FHIT: variants seen among roughly 807,000 people sequenced by gnomAD.
FHIT encodes the protein bis(5'-adenosyl)-triphosphatase.
A neutral mutation model predicts 17.9 loss-of-function variants in FHIT; 19 were observed. That is an observed-to-expected ratio of 1.06 (90% CI 0.74 to 1.56). FHIT has a LOEUF of 1.56. FHIT is among the 40% of genes most tolerant of loss of function. The probability of loss-of-function intolerance (pLI) is 0.00; values close to 1 mark genes in which losing one functional copy is unlikely to be tolerated. For synonymous variants in FHIT, 81 were observed against 69.7 expected, an observed-to-expected ratio of 1.16 and a Z score of -0.81; for missense variants, 248 against 189.2, an observed-to-expected ratio of 1.31 and a Z score of -1.82.
intron 5 of FHIT, among the ~76,000 whole-genome samples, chr3:60,116,340 C>A (rs990995448): frequency 2.0e-5 from 3 of 152,134 alleles, no homozygotes; most frequent in African/African-American, 7.2e-5. Flanking sequence ...AAAGCTGGAG[C>A]CCCATCTCAT....
intron 4 of FHIT, among the ~76,000 whole-genome samples, chr3:60,674,467 A>G (rs1378246832): frequency 1.3e-5 from 2 of 152,104 alleles, no homozygotes; most frequent in Non-Finnish European, 1.5e-5. Context: ...TTTTTGTTGT[A>G]TGCTAAACAC....
At position 60,315,978 on chromosome 3, in the gene FHIT, T is replaced by C. The variant is rs368474895; in HGVS notation, c.103+220882A>G. On this transcript the variant is annotated intron_variant, in intron 5 of 9. Coordinates refer to ENST00000492590, the MANE Select transcript of FHIT (RefSeq NM_002012.4). The stretch of plus-strand genomic sequence containing the variant: ...ATGCTGCATTAAATTAAGCAATTTA[T>C]GATTTGTCCTTCCATATTGACCTTT... 3.3e-5 allele frequency among the ~76,000 whole-genome samples: 5 copies of C among 152,338 alleles called. No homozygotes were observed. The South Asian group carries it at 1.0e-3, about 32-fold the overall frequency.
chr3:61,183,634 A>G (rs1469352698), intron 2 of FHIT, among the ~76,000 whole-genome samples: 1 of 152,224 alleles, frequency 6.6e-6, no homozygotes, highest in African/African-American at 2.4e-5. Flanking sequence ...GAATTGTGAT[A>G]AAGATTAAAT....
At chr3:60,223,623 G>A (rs948925999) in intron 5 of FHIT, among the ~76,000 whole-genome samples, 1 of 152,140 alleles carries the variant, frequency 6.6e-6, no homozygotes, top group Non-Finnish European at 1.5e-5. Context: ...ATTTTTAAGT[G>A]TTGCTAGTTT....
intron 8 of FHIT, among the ~76,000 whole-genome samples, chr3:59,833,783 T>C (rs1701246465): frequency 6.6e-6 from 1 of 152,140 alleles, no homozygotes; most frequent in Non-Finnish European, 1.5e-5. Flanking sequence ...GGGAGAGACC[T>C]GGTGGGAGGT....
At chr3:60,215,650 A>C (rs1173057194) in intron 5 of FHIT, among the ~76,000 whole-genome samples, 1 of 152,228 alleles carries the variant, frequency 6.6e-6, no homozygotes, top group Non-Finnish European at 1.5e-5. Context: ...TTGAAATATC[A>C]ATGAGTCTGT....
chr3:61,088,351 C>A (rs1311434165), intron 2 of FHIT, among the ~76,000 whole-genome samples: 1 of 152,152 alleles, frequency 6.6e-6, no homozygotes, highest in Admixed American at 6.5e-5. Flanking sequence ...AAGTTATGCA[C>A]CATTAGCTGC....
chr3:60,057,065 C>T (rs1472610632), intron 5 of FHIT, among the ~76,000 whole-genome samples: 1 of 152,122 alleles, frequency 6.6e-6, no homozygotes, highest in African/African-American at 2.4e-5. Flanking sequence ...TTATGCATGT[C>T]TTCATTCTTT....
At chr3:60,427,220 G>A (rs571467628) in intron 5 of FHIT, among the ~76,000 whole-genome samples, 6 of 152,202 alleles carry the variant, frequency 3.9e-5, no homozygotes, top group South Asian at 4.2e-4. Context: ...GCCATGTGGC[G>A]GAGACCTGAG....
chr3:60,235,999 G>A (rs970836520), intron 5 of FHIT, among the ~76,000 whole-genome samples: 1 of 151,962 alleles, frequency 6.6e-6, no homozygotes, highest in African/African-American at 2.4e-5. Flanking sequence ...AGCTATCTGG[G>A]TCTGCTTTTA....
chr3:59,935,028 G>C (rs695144), intron 7 of FHIT, among the ~76,000 whole-genome samples: 6 of 152,142 alleles, frequency 3.9e-5, no homozygotes, highest in African/African-American at 9.7e-5. Context: ...AGGGCTCTCA[G>C]ATGAGGTCAT....
At chr3:60,382,909 G>T (rs1700865191) in intron 5 of FHIT, among the ~76,000 whole-genome samples, 1 of 152,128 alleles carries the variant, frequency 6.6e-6, no homozygotes, top group Non-Finnish European at 1.5e-5. Flanking sequence ...TCCACTTCAT[G>T]CTTCAACACC....
intron 2 of FHIT, among the ~76,000 whole-genome samples, chr3:61,141,060 T>C (rs989452769): frequency 1.3e-5 from 2 of 152,186 alleles, no homozygotes; most frequent in East Asian, 1.9e-4. Flanking sequence ...AGGATACATA[T>C]GTTCAACACA....
intron 1 of FHIT, among the ~76,000 whole-genome samples, chr3:61,244,485 A>G (rs1322182021): frequency 6.6e-6 from 1 of 152,202 alleles, no homozygotes; most frequent in Non-Finnish European, 1.5e-5. Flanking sequence ...GATGGGGTTC[A>G]GGACATACTA....
At chr3:60,772,277 T>A (rs1553723301) in intron 4 of FHIT, among the ~76,000 whole-genome samples, 1 of 140,840 alleles carries the variant, frequency 7.1e-6, no homozygotes, top group African/African-American at 2.6e-5. Context: ...AAATGAAACA[T>A]CCAGATGATA....
intron 8 of FHIT, among the ~76,000 whole-genome samples, chr3:59,920,568 A>AT (rs1705353172): frequency 6.6e-6 from 1 of 152,222 alleles, no homozygotes; most frequent in African/African-American, 2.4e-5. Flanking sequence ...TTTTAAGCAC[A>AT]GTTGGAACAT....
At chr3:61,053,958 T>C (rs1178764616) in intron 2 of FHIT, among the ~76,000 whole-genome samples, 1 of 152,094 alleles carries the variant, frequency 6.6e-6, no homozygotes, top group African/African-American at 2.4e-5. Context: ...AAAACTAAAA[T>C]GCAGGTAAGC....
In FHIT at chr3:60,754,659, C is replaced by T. The variant is rs1235641698; in HGVS notation, c.-18+67260G>A. ...AAAAAAAAAAGTACTGGCTCAACTA[C>T]TATGATGAGAAGCTTTTGGGAGATA... On this transcript the variant is annotated intron_variant, in intron 4 of 9. Transcript: ENST00000492590. Among the ~76,000 whole-genome samples the T allele has an allele frequency of 2.6e-5, 4 of 152,042 alleles. 1 individual carries two copies. The highest frequency in any genetic ancestry group is 1.3e-4 in the Admixed American group (2 of 15,252).
intron 4 of FHIT, among the ~76,000 whole-genome samples, chr3:60,740,526 CT>C (rs1377395225): frequency 6.6e-6 from 1 of 152,136 alleles, no homozygotes; most frequent in Non-Finnish European, 1.5e-5. Flanking sequence ...TTATTATGAT[CT>C]TTTTTATTGT....
Sources: gnomAD v4.1 joint callset for allele counts (sites outside exome capture counted in the v4.1 genomes callset) on GRCh38, gnomAD v4.1.1 for gene constraint, MANE v1.5 for transcripts, NCBI Gene and HGNC (gene_info 2026-07-23, HGNC 2026-07-21) for gene names.